The following LIAT1 variants were observed in gnomAD, a reference collection of about 807,000 sequenced individuals.
LIAT1 encodes ligand of ATE1.
chr17:410,867 C>T, the LIAT1 span, among the ~76,000 whole-genome samples: 6 of 152,272 alleles, frequency 3.9e-5, no homozygotes, highest in African/African-American at 9.6e-5. Context: ...CACACAGAGA[C>T]CCCTACAGAT....
chr17:412,326 A>G, the LIAT1 span, among the ~76,000 whole-genome samples: 1 of 151,662 alleles, frequency 6.6e-6, no homozygotes, highest in Non-Finnish European at 1.5e-5. Flanking sequence ...CCCTGTGTGT[A>G]TCTGCAAAAA....
At chr17:413,679 C>G in the LIAT1 span, 4 of 1,576,220 alleles carry the variant, frequency 2.5e-6, no homozygotes, top group African/African-American at 1.4e-5. Flanking sequence ...CACACTGACC[C>G]CGAGGCCCTC....
the LIAT1 span, chr17:410,373 C>CG: frequency 6.6e-7 from 1 of 1,512,686 alleles, no homozygotes; most frequent in Non-Finnish European, 8.7e-7. Context: ...CCTGGCGGTC[C>CG]GCGCTGAGAG....
At chr17:410,368 C>CCGCGCGGCCCTGGCCTGGA in the LIAT1 span, 1 of 1,507,638 alleles carries the variant, frequency 6.6e-7, no homozygotes, top group African/African-American at 1.4e-5. Context: ...CCTGGCCTGG[C>CCGCGCGGCCCTGGCCTGGA]GGTCCGCGCT....
At chr17:410,400 A>C in the LIAT1 span, 14 of 1,529,032 alleles carry the variant, frequency 9.2e-6, no homozygotes, top group African/African-American at 1.4e-5. Context: ...ATTAGTCGGC[A>C]TCGGGCCTCG....
the LIAT1 span, among the ~76,000 whole-genome samples, chr17:410,863 G>A: frequency 1.3e-5 from 2 of 152,112 alleles, no homozygotes; most frequent in East Asian, 3.9e-4. Context: ...GCCCCACACA[G>A]AGACCCCTAC....
the LIAT1 span, among the ~76,000 whole-genome samples, chr17:411,389 C>T: frequency 1.2e-3 from 178 of 152,306 alleles, no homozygotes; most frequent in African/African-American, 4.0e-3. Flanking sequence ...AACTAAAGGG[C>T]GGGACGCAGT....
the LIAT1 span, among the ~76,000 whole-genome samples, chr17:411,200 G>C: frequency 1.3e-5 from 2 of 152,142 alleles, no homozygotes; most frequent in Non-Finnish European, 2.9e-5. Context: ...CACCCACCAA[G>C]GGGCAGCCTT....
the LIAT1 span, among the ~76,000 whole-genome samples, chr17:411,827 G>A: frequency 3.3e-5 from 5 of 152,204 alleles, no homozygotes; most frequent in Non-Finnish European, 5.9e-5. Flanking sequence ...GCAGGTGCCC[G>A]TGAGTGCTGT....
chr17:413,549 C>T, the LIAT1 span: 39 of 1,523,644 alleles, frequency 2.6e-5, 1 homozygote, highest in South Asian at 4.4e-4. Context: ...CAAGGGCTTC[C>T]ACCCCGACCC....
At chr17:414,428 G>A in the LIAT1 span, 1 of 316,358 alleles carries the variant, frequency 3.2e-6, no homozygotes, top group African/African-American at 2.2e-5. The surrounding 1 kb of genome is among the most constrained non-coding windows in gnomAD (Gnocchi z 4.1). Flanking sequence ...AAGAAAGCGT[G>A]TAGATGATTT....
the LIAT1 span, chr17:410,528 C>G: frequency 6.5e-7 from 1 of 1,545,640 alleles, no homozygotes; most frequent in Non-Finnish European, 8.7e-7. Flanking sequence ...AGGGCGGCGC[C>G]GCGGGCCCGC....
At chr17:412,708 G>A in the LIAT1 span, among the ~76,000 whole-genome samples, 3 of 152,206 alleles carry the variant, frequency 2.0e-5, no homozygotes, top group Non-Finnish European at 2.9e-5. Flanking sequence ...CTAGGGTAGA[G>A]TCACAGACTC....
the LIAT1 span, chr17:413,218 C>G: frequency 6.2e-7 from 1 of 1,614,214 alleles, no homozygotes; most frequent in Non-Finnish European, 8.5e-7. Context: ...TAAGTCCTTG[C>G]AAAGAGCGTG....
At chr17:414,250 C>T in the LIAT1 span, 2 of 1,116,944 alleles carry the variant, frequency 1.8e-6, no homozygotes, top group Non-Finnish European at 2.5e-6. This position sits in a 1 kb window ranked among gnomAD's most constrained non-coding sequence, Gnocchi z 4.1. Flanking sequence ...GACGCCGACT[C>T]TCCCATCACC....
chr17:414,272 G>C, the LIAT1 span: 2 of 897,228 alleles, frequency 2.2e-6, no homozygotes, highest in African/African-American at 1.7e-5. This position sits in a 1 kb window ranked among gnomAD's most constrained non-coding sequence, Gnocchi z 4.1. Flanking sequence ...AGCTGCCCTC[G>C]GTTGCCCAGG....
At chr17:413,053 A>G in the LIAT1 span, 2 of 1,472,796 alleles carry the variant, frequency 1.4e-6, no homozygotes, top group African/African-American at 1.4e-5. Flanking sequence ...AGGGGCCCCC[A>G]TCCTCCTCTT....
chr17:413,123 A>G, the LIAT1 span: 4 of 1,609,512 alleles, frequency 2.5e-6, no homozygotes, highest in South Asian at 1.1e-5. Flanking sequence ...TGCCACAAAC[A>G]CTAACCTGCT....
chr17:413,597 C>A, the LIAT1 span: 3 of 1,540,700 alleles, frequency 1.9e-6, no homozygotes, highest in Non-Finnish European at 2.6e-6. Context: ...CCCCGAGGCT[C>A]TCAAGGGCTT....
Sources: gnomAD v4.1 joint callset for allele counts (sites outside exome capture counted in the v4.1 genomes callset) on GRCh38, gnomAD v4.1.1 for gene constraint, Gnocchi (gnomAD v3.1) non-coding constraint, MANE v1.5 for transcripts, NCBI Gene and HGNC (gene_info 2026-07-23, HGNC 2026-07-21) for gene names.